Variants in NLGN4X observed in about 807,000 individuals in gnomAD.
The protein encoded by NLGN4X is neuroligin-4, X-linked.
A neutral mutation model predicts 40.3 loss-of-function variants in NLGN4X; 3 were observed. That is an observed-to-expected ratio of 0.07 (90% CI 0.03 to 0.19). The LOEUF (loss-of-function observed/expected upper bound fraction) is 0.19, where lower values mean the gene tolerates loss of function less well. Among genes scored for constraint, NLGN4X ranks in the 10% least tolerant of loss-of-function variants. The pLI is 1.00. For synonymous variants in NLGN4X, 270 were observed against 306.8 expected (o/e 0.88, Z 1.25); for missense variants, 382 against 708.3 (o/e 0.54, Z 5.23).
At chrX:5,925,825 C>CATATAT (rs1181288808) in intron 3 of NLGN4X, among the ~76,000 whole-genome samples, 92 of 43,359 alleles carry the variant, frequency 2.1e-3, no homozygotes, top group African/African-American at 9.9e-3. Context: ...TGAATCCCAC[C>CATATAT]ATATATATAT....
chrX:6,112,487 C>A (rs1269560177), intron 2 of NLGN4X, among the ~76,000 whole-genome samples: 1 of 110,540 alleles, frequency 9.0e-6, no homozygotes, highest in Non-Finnish European at 1.9e-5. Flanking sequence ...CGAGAATAGG[C>A]ACATCTCTCA....
intron 3 of NLGN4X, among the ~76,000 whole-genome samples, chrX:5,943,990 C>A (rs915596175): frequency 2.7e-5 from 3 of 111,999 alleles, no homozygotes; most frequent in African/African-American, 6.5e-5. Flanking sequence ...AGAGACCCAT[C>A]TATTTTGGGG....
chrX:6,040,609 G>C (rs1293901756), intron 2 of NLGN4X, among the ~76,000 whole-genome samples: 2 of 111,841 alleles, frequency 1.8e-5, no homozygotes, highest in African/African-American at 6.5e-5. Flanking sequence ...GGATGCTAGA[G>C]CATAGAGATT....
At chrX:6,067,112 C>CCG (rs1555964225) in intron 2 of NLGN4X, among the ~76,000 whole-genome samples, 4 of 109,356 alleles carry the variant, frequency 3.7e-5, no homozygotes, top group East Asian at 5.7e-4. Context: ...CAGTCCCCCC[C>CCG]CCAAAACAAA....
intron 1 of NLGN4X, among the ~76,000 whole-genome samples, chrX:6,194,434 T>G (rs1051873329): frequency 9.0e-6 from 1 of 111,614 alleles, no homozygotes; most frequent in South Asian, 3.8e-4. Context: ...ACCTGCGAGA[T>G]ATCTAACAGA....
chrX:6,164,338 T>C (rs755385094), intron 1 of NLGN4X, among the ~76,000 whole-genome samples: 1 of 112,527 alleles, frequency 8.9e-6, no homozygotes, highest in South Asian at 3.7e-4. Flanking sequence ...AGAGATAATA[T>C]TGATCATGTA....
At chrX:5,919,642 T>C (rs2032951265) in intron 3 of NLGN4X, among the ~76,000 whole-genome samples, 1 of 111,426 alleles carries the variant, frequency 9.0e-6, no homozygotes, top group African/African-American at 3.3e-5. Flanking sequence ...TGGCATTAGA[T>C]TCTCATAGGA....
chrX:6,173,793 C>A (rs1396496046), intron 1 of NLGN4X, among the ~76,000 whole-genome samples: 1 of 112,131 alleles, frequency 8.9e-6, no homozygotes, highest in African/African-American at 3.2e-5. Flanking sequence ...AGTGGTCGCT[C>A]ACGCCTGTAA....
chrX:5,968,457 C>CTCTCTCTCTG (rs1192942244), intron 3 of NLGN4X, among the ~76,000 whole-genome samples: 53 of 47,012 alleles, frequency 1.1e-3, no homozygotes, highest in African/African-American at 5.3e-3. Flanking sequence ...CTCTCTCTCT[C>CTCTCTCTCTG]TGTGTGTGTG....
At chrX:5,947,529 A>G in intron 3 of NLGN4X, among the ~76,000 whole-genome samples, 1 of 112,079 alleles carries the variant, frequency 8.9e-6, no homozygotes, top group East Asian at 2.8e-4. Flanking sequence ...CAAGGCGTTC[A>G]AAGTCTGAGG....
At chrX:6,098,574 G>C (rs988848686) in intron 2 of NLGN4X, among the ~76,000 whole-genome samples, 13 of 111,035 alleles carry the variant, frequency 1.2e-4, no homozygotes, top group African/African-American at 4.3e-4. Flanking sequence ...GAAGAAAGAA[G>C]TCTACAGGAT....
chrX:5,976,493 C>A (rs1317255487), intron 3 of NLGN4X, among the ~76,000 whole-genome samples: 1 of 112,246 alleles, frequency 8.9e-6, no homozygotes, highest in Non-Finnish European at 1.9e-5. Context: ...TCCCTCTCTC[C>A]CGCTGTGAAA....
At chrX:5,932,083 A>G (rs192696727) in intron 3 of NLGN4X, among the ~76,000 whole-genome samples, 1 of 111,015 alleles carries the variant, frequency 9.0e-6, no homozygotes, top group Admixed American at 9.6e-5. Context: ...GCTGGTTAAA[A>G]ACTTTCAGGG....
intron 2 of NLGN4X, among the ~76,000 whole-genome samples, chrX:6,054,801 G>A (rs2037579695): frequency 9.1e-6 from 1 of 110,458 alleles, no homozygotes; most frequent in Admixed American, 9.7e-5. Flanking sequence ...GGGATTACAG[G>A]TGCACGCCAC....
chrX:6,050,057 C>T (rs2037441886), intron 2 of NLGN4X, among the ~76,000 whole-genome samples: 1 of 111,827 alleles, frequency 8.9e-6, no homozygotes. Context: ...GAGAATCTAT[C>T]TTTCTCCCAC....
intron 2 of NLGN4X, among the ~76,000 whole-genome samples, chrX:6,105,254 T>C (rs2039007993): frequency 9.0e-6 from 1 of 110,654 alleles, no homozygotes; most frequent in South Asian, 3.9e-4. Flanking sequence ...AGAGATGGGG[T>C]TTCACCATGT....
intron 1 of NLGN4X, among the ~76,000 whole-genome samples, chrX:6,219,902 A>C (rs2147901077): frequency 8.9e-6 from 1 of 112,082 alleles, no homozygotes; most frequent in African/African-American, 3.2e-5. Flanking sequence ...ACTTTGTCAA[A>C]CCCTATATTT....
chrX:5,966,775 G>A (rs983333516), intron 3 of NLGN4X, among the ~76,000 whole-genome samples: 4 of 66,620 alleles, frequency 6.0e-5, no homozygotes, highest in African/African-American at 1.4e-4. Context: ...TTTGTAAAAT[G>A]TCAAGGCTTC....
intron 5 of NLGN4X, among the ~76,000 whole-genome samples, chrX:5,894,685 C>T (rs770397265): frequency 8.9e-6 from 1 of 112,126 alleles, no homozygotes; most frequent in African/African-American, 3.2e-5. Context: ...TAATAAACAT[C>T]TTTGCAACTG....
Sources: gnomAD v4.1 joint callset for allele counts (sites outside exome capture counted in the v4.1 genomes callset) on GRCh38, gnomAD v4.1.1 for gene constraint, MANE v1.5 for transcripts, NCBI Gene and HGNC (gene_info 2026-07-23, HGNC 2026-07-21) for gene names.